The following NTNG1 variants were observed in gnomAD, a reference collection of about 807,000 sequenced individuals.
NTNG1 encodes the protein netrin-G1.
NTNG1 carries 16 observed loss-of-function variants against 54.0 expected under a neutral mutation model. The observed-to-expected ratio is 0.30, with a 90% confidence interval of 0.20 to 0.45. The LOEUF (loss-of-function observed/expected upper bound fraction) is 0.45. Among genes scored for constraint, NTNG1 ranks in the 20% least tolerant of loss-of-function variants. The pLI is 1.00. For synonymous variants in NTNG1, 255 were observed against 263.1 expected, an observed-to-expected ratio of 0.97 and a Z score of 0.30; for missense variants, 530 against 678.7, an observed-to-expected ratio of 0.78 and a Z score of 2.43.
chr1:107,449,283 T>A (rs1199080560), intron 7 of NTNG1, among the ~76,000 whole-genome samples: 1 of 151,936 alleles, frequency 6.6e-6, no homozygotes, highest in Non-Finnish European at 1.5e-5. Flanking sequence ...TAATTGAGAT[T>A]GAAATGAAAT....
chr1:107,338,972 G>T (rs1283990468), intron 3 of NTNG1, among the ~76,000 whole-genome samples: 2 of 151,878 alleles, frequency 1.3e-5, no homozygotes, highest in East Asian at 1.9e-4. Flanking sequence ...AAAGTAAGTG[G>T]CATTTTTGTG....
chr1:107,365,065 CTGT>C (rs1203605336), intron 3 of NTNG1, among the ~76,000 whole-genome samples: 1 of 152,016 alleles, frequency 6.6e-6, no homozygotes, highest in African/African-American at 2.4e-5. Context: ...TTAATTTCAC[CTGT>C]TACTTTTTTT....
intron 3 of NTNG1, among the ~76,000 whole-genome samples, chr1:107,365,056 T>G (rs2100967944): frequency 6.6e-6 from 1 of 152,334 alleles, no homozygotes; most frequent in Non-Finnish European, 1.5e-5. Context: ...TTGTTAAAAT[T>G]AATTTCACCT....
At chr1:107,428,268 A>C (rs76300131) in intron 5 of NTNG1, among the ~76,000 whole-genome samples, 214 of 152,246 alleles carry the variant, frequency 1.4e-3, no homozygotes, top group African/African-American at 4.8e-3. Context: ...CAGAGTGCAC[A>C]TCCTGTAGGA....
intron 4 of NTNG1, among the ~76,000 whole-genome samples, chr1:107,402,803 T>G (rs1673124249): frequency 6.6e-6 from 1 of 152,110 alleles, no homozygotes; most frequent in African/African-American, 2.4e-5. Context: ...AAGAAGTTTT[T>G]TTGGAGTTAG....
chr1:107,266,008 C>T (rs1450097085), intron 2 of NTNG1, among the ~76,000 whole-genome samples: 1 of 152,160 alleles, frequency 6.6e-6, no homozygotes, highest in Non-Finnish European at 1.5e-5. Context: ...AATCTTTGTG[C>T]TTTCTTTGCA....
At chr1:107,428,944 A>G (rs1184621434) in intron 5 of NTNG1, among the ~76,000 whole-genome samples, 2 of 152,062 alleles carry the variant, frequency 1.3e-5, no homozygotes, top group Non-Finnish European at 2.9e-5. Context: ...TACTAAATTT[A>G]TATGGATATT....
At chr1:107,359,158 T>C (rs1670116832) in intron 3 of NTNG1, among the ~76,000 whole-genome samples, 1 of 152,210 alleles carries the variant, frequency 6.6e-6, no homozygotes, top group Non-Finnish European at 1.5e-5. Flanking sequence ...CGGGTCTGAC[T>C]TCTGTGGTCA....
chr1:107,203,559 T>C (rs1658925718), intron 2 of NTNG1, among the ~76,000 whole-genome samples: 1 of 132,154 alleles, frequency 7.6e-6, no homozygotes, highest in Non-Finnish European at 1.6e-5. Flanking sequence ...ATAGAGTTAT[T>C]CATATATATA....
At chr1:107,383,775 T>C (rs1671783958) in intron 3 of NTNG1, among the ~76,000 whole-genome samples, 1 of 152,230 alleles carries the variant, frequency 6.6e-6, no homozygotes, top group African/African-American at 2.4e-5. Context: ...ATTCCTCTTA[T>C]AGACTCTGGT....
chr1:107,480,543 T>C (rs1678623371), intron 7 of NTNG1, 68 bp from the exon 8 acceptor site: 5 of 926,804 alleles, frequency 5.4e-6, no homozygotes, highest in Non-Finnish European at 8.2e-6. Context: ...ATGTACCAGA[T>C]GAACTTCAAT....
At chr1:107,316,372 G>C (rs961111123) in intron 2 of NTNG1, among the ~76,000 whole-genome samples, 1 of 152,120 alleles carries the variant, frequency 6.6e-6, no homozygotes, top group African/African-American at 2.4e-5. Flanking sequence ...GACTTAAAAT[G>C]ACTAGTTTTT....
At position 107,400,324 on chromosome 1, in the gene NTNG1, C is replaced by A. The variant is rs75248579; in HGVS notation, c.1060+4998C>A. Among the ~76,000 whole-genome samples, 1,791 of 152,172 alleles carry A rather than the reference C, an allele frequency of 0.012. 90 individuals carry two copies. The East Asian group carries it at 0.18, about 15-fold the overall frequency. ...TAATGTGTGTAGATTTACAACTGGTCAACTATCTTTAGCCAAAATTATTAT... is the reference window on the plus strand; with the variant it reads ...TAATGTGTGTAGATTTACAACTGGTAAACTATCTTTAGCCAAAATTATTAT... On this transcript the variant is annotated intron_variant, in intron 4 of 7. Transcript: ENST00000370068.
At chr1:107,287,495 C>G (rs1665272834) in intron 2 of NTNG1, among the ~76,000 whole-genome samples, 1 of 152,152 alleles carries the variant, frequency 6.6e-6, no homozygotes, top group Non-Finnish European at 1.5e-5. Context: ...TGCCTGTAGT[C>G]CCGACTACTC....
chr1:107,466,879 G>A (rs647964), intron 7 of NTNG1, among the ~76,000 whole-genome samples: 147,888 of 152,272 alleles, frequency 0.97, 71,963 homozygotes, highest in East Asian at 1. Context: ...TCGAAAAGCT[G>A]TAAAATACCC....
At chr1:107,254,783 G>A (rs1662824100) in intron 2 of NTNG1, among the ~76,000 whole-genome samples, 1 of 152,060 alleles carries the variant, frequency 6.6e-6, no homozygotes, top group African/African-American at 2.4e-5. Context: ...CTCCATTTGG[G>A]GACACAAAAA....
chr1:107,343,555 C>T (rs1297797174), intron 3 of NTNG1, among the ~76,000 whole-genome samples: 1 of 151,218 alleles, frequency 6.6e-6, no homozygotes, highest in African/African-American at 2.4e-5. Flanking sequence ...TTTTACAGTA[C>T]CTGATTTCAG....
At chr1:107,293,425 C>A (rs1275467289) in intron 2 of NTNG1, among the ~76,000 whole-genome samples, 1 of 152,330 alleles carries the variant, frequency 6.6e-6, no homozygotes, top group East Asian at 1.9e-4. Flanking sequence ...CCCATTGCAA[C>A]ATTATAGCAG....
chr1:107,474,586 C>T (rs922156231), intron 7 of NTNG1, among the ~76,000 whole-genome samples: 1 of 152,176 alleles, frequency 6.6e-6, no homozygotes. Flanking sequence ...CAGAATACCA[C>T]ACACTGGGTA....
Sources: gnomAD v4.1 joint callset for allele counts (sites outside exome capture counted in the v4.1 genomes callset) on GRCh38, gnomAD v4.1.1 for gene constraint, MANE v1.5 for transcripts, NCBI Gene and HGNC (gene_info 2026-07-23, HGNC 2026-07-21) for gene names.